ADIPOR2: variants seen among roughly 807,000 people sequenced by gnomAD.
The protein encoded by ADIPOR2 is adiponectin receptor protein 2.
Under a neutral mutation model 40.9 loss-of-function variants are expected in ADIPOR2, and 18 were observed. The ratio of observed to expected loss-of-function variants is 0.44; its 90% CI spans 0.30 to 0.65. ADIPOR2 has a LOEUF of 0.65. Ranked by LOEUF, ADIPOR2 falls within the 30% of genes least tolerant of loss-of-function variation. ADIPOR2 has a pLI of 0.09. For missense variants in ADIPOR2, 283 were observed against 479.2 expected, an observed-to-expected ratio of 0.59 and a Z score of 3.82; for synonymous variants, 165 against 166.4, an observed-to-expected ratio of 0.99 and a Z score of 0.06.
intron 3 of ADIPOR2, among the ~76,000 whole-genome samples, chr12:1,774,950 GCC>G (rs1862559105): frequency 2.1e-5 from 1 of 47,032 alleles, no homozygotes; most frequent in African/African-American, 5.1e-5. Flanking sequence ...TGATCTGCCC[GCC>G]TCGGCCTCCC....
rs769316277 is a variant in ADIPOR2 at position 1,784,480 on chromosome 12, A to G, written c.1032+407A>G. Among the ~76,000 whole-genome samples, 34 of 152,250 alleles carry G rather than the reference A, an allele frequency of 2.2e-4. 1 individual carries two copies. The highest frequency in any genetic ancestry group is 4.6e-4 in the Non-Finnish European group (31 of 68,038). On this transcript the variant is annotated intron_variant, in intron 7 of 7. Transcript: ENST00000357103. ...ATCAGAATCTGTGCTCTTTTTGACA[A>G]TGGCAAGTCATTTTGCCATTCTTTG... is the stretch of plus-strand genomic sequence containing the variant.
chr12:1,781,533 T>G (rs1862720550), intron 6 of ADIPOR2, among the ~76,000 whole-genome samples: 1 of 152,238 alleles, frequency 6.6e-6, no homozygotes, highest in African/African-American at 2.4e-5. Context: ...TGATTATGTT[T>G]TGTTAAAGTG....
At chr12:1,762,263 A>G (rs1006859866) in intron 2 of ADIPOR2, among the ~76,000 whole-genome samples, 8 of 152,120 alleles carry the variant, frequency 5.3e-5, no homozygotes, top group Non-Finnish European at 1.0e-4. Context: ...TTCCATTACA[A>G]TGCGTATCAT....
At chr12:1,783,747 A>G in intron 6 of ADIPOR2, 133 bp from the exon 7 acceptor site, 1 of 736,534 alleles carries the variant, frequency 1.4e-6, no homozygotes, top group South Asian at 3.0e-5. Context: ...TTTTTCCTTT[A>G]AAACTGGAAG....
At chr12:1,738,413 T>C (rs1042559896) in intron 1 of ADIPOR2, among the ~76,000 whole-genome samples, 1 of 152,068 alleles carries the variant, frequency 6.6e-6, no homozygotes, top group Admixed American at 6.6e-5. Flanking sequence ...CTGTGTTTTG[T>C]TTGTAAATTT....
At chr12:1,704,995 A>G (rs1037528775) in intron 1 of ADIPOR2, among the ~76,000 whole-genome samples, 15 of 152,154 alleles carry the variant, frequency 9.9e-5, no homozygotes, top group African/African-American at 3.1e-4. Context: ...TGAATTTTCC[A>G]TTTGCAGCAT....
chr12:1,723,616 G>T (rs1364318702), intron 1 of ADIPOR2, among the ~76,000 whole-genome samples: 1 of 151,808 alleles, frequency 6.6e-6, no homozygotes, highest in Non-Finnish European at 1.5e-5. Context: ...TTCCAGTCTG[G>T]GTGACAGAGC....
At chr12:1,697,535 A>G (rs2094641763) in intron 1 of ADIPOR2, 1 of 152,802 alleles carries the variant, frequency 6.5e-6, no homozygotes, top group African/African-American at 2.4e-5. Context: ...GGCTGCAGTT[A>G]CATTGCTGTC....
At chr12:1,742,481 A>T (rs1312821855) in intron 1 of ADIPOR2, among the ~76,000 whole-genome samples, 4 of 152,212 alleles carry the variant, frequency 2.6e-5, no homozygotes. Context: ...ATTTTGAAAG[A>T]GCGAGAGCAT....
At chr12:1,751,410 A>G (rs2094768830) in intron 1 of ADIPOR2, among the ~76,000 whole-genome samples, 1 of 152,050 alleles carries the variant, frequency 6.6e-6, no homozygotes, top group Non-Finnish European at 1.5e-5. Context: ...TTTAAGGAGG[A>G]TCCTTAAAAA....
At chr12:1,749,091 C>T (rs527423450) in intron 1 of ADIPOR2, among the ~76,000 whole-genome samples, 5 of 152,246 alleles carry the variant, frequency 3.3e-5, no homozygotes, top group South Asian at 2.1e-4. Context: ...CACTTATTTA[C>T]GCTTACTAGT....
intron 1 of ADIPOR2, among the ~76,000 whole-genome samples, chr12:1,718,394 G>GT (rs1339032844): frequency 6.6e-6 from 1 of 151,924 alleles, no homozygotes; most frequent in Non-Finnish European, 1.5e-5. Context: ...TCAACTCCTT[G>GT]TTTTTTAAAG....
chr12:1,751,102 A>G (rs1361405798), intron 1 of ADIPOR2, among the ~76,000 whole-genome samples: 2 of 151,976 alleles, frequency 1.3e-5, no homozygotes, highest in East Asian at 1.9e-4. Context: ...AGTAAAACAT[A>G]TAGTAAATTT....
rs540792489 is a variant in ADIPOR2, at chr12:1,736,532, A to G, written c.-86-17726A>G. On this transcript the variant is annotated intron_variant, in intron 1 of 7. Transcript: ENST00000357103. Reference sequence around the variant, plus strand: ...TCTTTATTAGTCTTGCTAGTGGTCTATCAATTTTGTTGATCTTTTCAGAAA... The same window carrying G: ...TCTTTATTAGTCTTGCTAGTGGTCTGTCAATTTTGTTGATCTTTTCAGAAA... Among the ~76,000 whole-genome samples the G allele has an allele frequency of 5.3e-5, 8 of 152,268 alleles. No homozygotes were observed. The East Asian group carries it at 5.8e-4, about 11-fold the overall frequency.
intron 1 of ADIPOR2, among the ~76,000 whole-genome samples, chr12:1,722,251 G>A (rs1033205822): frequency 6.6e-6 from 1 of 152,186 alleles, no homozygotes; most frequent in Admixed American, 6.5e-5. Context: ...TGTGATCAAG[G>A]CAAATCCTAG....
At position 1,759,142 on chromosome 12, in the gene ADIPOR2, G is replaced by T. The variant is rs141302208; in HGVS notation, c.171+4628G>T. ...TTGGTCTTGTTTTTTGGCAGAAGTT[G>T]TTGCAGACCTCGTTTTCTGTTAGGC... On this transcript the variant is annotated intron_variant, in intron 2 of 7. Transcript: ENST00000357103. 2.0e-3 allele frequency among the ~76,000 whole-genome samples: 310 copies of T among 152,286 alleles called. 2 individuals carry two copies. The highest frequency in any genetic ancestry group is 0.01 in the Middle Eastern group (3 of 294).
rs1324031681 is a variant in ADIPOR2 at position 1,696,466 on chromosome 12, G to A, written c.-87+5275G>A. On this transcript the variant is annotated intron_variant, in intron 1 of 7. Transcript: ENST00000357103. ...ACTGGAGTGCAGTGGTGCAATCGTAGCTTACTGCAACCTCCGCTTCATGGG... is the reference window on the plus strand; with the variant it reads ...ACTGGAGTGCAGTGGTGCAATCGTAACTTACTGCAACCTCCGCTTCATGGG... 3 of 150,120 alleles carry A rather than the reference G, an allele frequency of 2.0e-5. No homozygotes were observed. In the East Asian group the frequency reaches 5.9e-4, roughly 30 times the overall value. The allele number at this position is 150,120 out of a possible 1,614,324, so 9.3% of individuals were successfully genotyped here. A position where few individuals can be genotyped will look rare whatever the true frequency, so the allele number is the denominator to read the frequency against.
chr12:1,691,518 C>T (rs756032127), intron 1 of ADIPOR2, among the ~76,000 whole-genome samples: 2 of 152,232 alleles, frequency 1.3e-5, no homozygotes, highest in Non-Finnish European at 2.9e-5. Flanking sequence ...TGCTCACCTT[C>T]GGGTGCAGTT....
At chr12:1,769,940 C>G (rs1367244138) in intron 2 of ADIPOR2, among the ~76,000 whole-genome samples, 1 of 141,448 alleles carries the variant, frequency 7.1e-6, no homozygotes, top group East Asian at 2.1e-4. Context: ...TTTTTTGAGA[C>G]AGGGTGTAGC....
Sources: allele counts gnomAD v4.1 joint callset (sites outside exome capture counted in the v4.1 genomes callset), GRCh38; gene constraint gnomAD v4.1.1; transcripts MANE v1.5; gene names NCBI Gene and HGNC (gene_info 2026-07-23, HGNC 2026-07-21).